STON2: variants seen among roughly 807,000 people sequenced by gnomAD.
STON2 encodes the protein stonin 2, also known as stonin-2.
In STON2, 29 loss-of-function variants were observed where a neutral mutation model predicts 65.7. The ratio of observed to expected loss-of-function variants is 0.44; its 90% confidence interval spans 0.33 to 0.60. The LOEUF is 0.60. STON2 is among the 20% of genes least tolerant of loss of function. The pLI is 0.03. For missense variants in STON2, 1,054 were observed against 1,118.1 expected (o/e 0.94, Z 0.82); for synonymous variants, 404 against 414.2 (o/e 0.98, Z 0.30).
chr14:81,282,760 C>T (rs1895176757), intron 5 of STON2, among the ~76,000 whole-genome samples: 1 of 152,038 alleles, frequency 6.6e-6, no homozygotes, highest in Non-Finnish European at 1.5e-5. Context: ...TACTAATTAG[C>T]CTTAGAGAAA....
intron 3 of STON2, among the ~76,000 whole-genome samples, chr14:81,376,199 AATT>A (rs1899243874): frequency 6.6e-6 from 1 of 151,714 alleles, no homozygotes; most frequent in South Asian, 2.1e-4. Flanking sequence ...TAAAATCATA[AATT>A]ATTTAAAAAA....
At chr14:81,321,890 T>C (rs1029095377) in intron 5 of STON2, among the ~76,000 whole-genome samples, 7 of 152,126 alleles carry the variant, frequency 4.6e-5, no homozygotes, top group Non-Finnish European at 8.8e-5. Flanking sequence ...AACTGGACCA[T>C]ACAGGCGATC....
chr14:81,274,919 A>G (rs920525285), intron 6 of STON2, among the ~76,000 whole-genome samples: 3 of 151,956 alleles, frequency 2.0e-5, no homozygotes, highest in Non-Finnish European at 4.4e-5. Flanking sequence ...AAACAAACAA[A>G]CAAACAAACA....
intron 5 of STON2, among the ~76,000 whole-genome samples, chr14:81,291,006 A>C (rs1470432860): frequency 6.6e-6 from 1 of 152,192 alleles, no homozygotes; most frequent in African/African-American, 2.4e-5. Flanking sequence ...TATATGTCTC[A>C]TTTCAAAATT....
intron 3 of STON2, among the ~76,000 whole-genome samples, chr14:81,381,623 C>T (rs905281749): frequency 2.0e-5 from 3 of 152,138 alleles, no homozygotes; most frequent in Non-Finnish European, 4.4e-5. Context: ...TACCCTTCCC[C>T]CTTTCTTTCT....
intron 4 of STON2, among the ~76,000 whole-genome samples, chr14:81,342,827 C>T (rs1897666997): frequency 6.6e-6 from 1 of 152,162 alleles, no homozygotes; most frequent in Admixed American, 6.5e-5. Flanking sequence ...AAGCCAGGGT[C>T]TGAGGGGCAA....
chr14:81,277,406 G>A lies in STON2; in HGVS notation c.2076C>T (p.Thr692=). The part of the protein sequence containing the change: ...IVLRQDIMPT[T]TTKWIKLHEC... ...CATGGAGCTTGATCCACTTTGTGGT[G>A]GTGGTGGGCATGATGTCCTGCCTCA... Residue 692 remains threonine, a synonymous_variant, in exon 6 of 8, where the codon ACC becomes ACT. Coordinates refer to ENST00000614646, the MANE Select transcript of STON2 (RefSeq NM_001394390.1). 1 of 1,614,184 alleles carries A rather than the reference G, an allele frequency of 6.2e-7. No homozygotes were observed. The highest frequency in any genetic ancestry group is 1.1e-5 in the South Asian group (1 of 91,078).
chr14:81,328,373 G>C (rs1034514208), intron 4 of STON2, among the ~76,000 whole-genome samples: 1 of 152,154 alleles, frequency 6.6e-6, no homozygotes, highest in Non-Finnish European at 1.5e-5. Flanking sequence ...TTTGCTCCCA[G>C]GTTCAATTAT....
chr14:81,434,941 G>GT (rs1566958835), intron 1 of STON2, among the ~76,000 whole-genome samples: 1 of 152,020 alleles, frequency 6.6e-6, no homozygotes, highest in East Asian at 1.9e-4. Context: ...TTGCTGTGTG[G>GT]TTGAGTTTTT....
intron 5 of STON2, among the ~76,000 whole-genome samples, chr14:81,279,773 G>T (rs551542476): frequency 6.6e-6 from 1 of 152,096 alleles, no homozygotes; most frequent in Non-Finnish European, 1.5e-5. Flanking sequence ...GCCATAATAG[G>T]AGCACTAAGT....
chr14:81,293,519 G>T (rs115605087), intron 5 of STON2, among the ~76,000 whole-genome samples: 4 of 152,248 alleles, frequency 2.6e-5, no homozygotes, highest in African/African-American at 9.6e-5. Flanking sequence ...ATCTGTGGGA[G>T]ATAACAAAAA....
intron 6 of STON2, among the ~76,000 whole-genome samples, chr14:81,276,071 T>C (rs1180126134): frequency 6.6e-6 from 1 of 152,238 alleles, no homozygotes; most frequent in Non-Finnish European, 1.5e-5. Flanking sequence ...GCTTGCTGCC[T>C]ACCATTGGGG....
Position 81,412,723 on chromosome 14 carries a change from G to C in STON2, c.-198-14143C>G, listed in dbSNP as rs180702532. Among the ~76,000 whole-genome samples, 7 of 139,464 alleles carry C rather than the reference G, an allele frequency of 5.0e-5. 1 individual carries two copies. The highest frequency in any genetic ancestry group is 2.1e-4 in the African/African-American group (7 of 33,930). 91.5% of individuals were successfully genotyped at this position (139,464 alleles called of 152,430 possible). A position where few individuals can be genotyped will look rare whatever the true frequency, so the allele number is the denominator to read the frequency against. On this transcript the variant is annotated intron_variant, in intron 2 of 8. Transcript: ENST00000553821. ...CTCTACTCTTAAAAATGGTTAAGGT[G>C]GTCCATTTTATAGTTGTAATTTAAC... is the stretch of plus-strand genomic sequence containing the variant.
intron 4 of STON2, among the ~76,000 whole-genome samples, chr14:81,336,758 C>T (rs1395892363): frequency 6.6e-6 from 1 of 152,026 alleles, no homozygotes; most frequent in Admixed American, 6.6e-5. Context: ...AGGACTATCT[C>T]CTCACCATCA....
Position 81,275,439 on chromosome 14 carries a change from A to G in STON2, c.2581+1462T>C, listed in dbSNP as rs575042432. Among the ~76,000 whole-genome samples the G allele has an allele frequency of 1.6e-4, 25 of 152,172 alleles. No individual in the cohort carries two copies. In the East Asian group the frequency reaches 4.8e-3, roughly 29 times the overall value. On this transcript the variant is annotated intron_variant, in intron 6 of 7. Transcript: ENST00000614646. ...TATTCAAGGTCCCTTCCAGCTTGAA[A>G]ATCCGGTAATTCCATGGTTGTCTCT... is the stretch of plus-strand genomic sequence containing the variant.
At chr14:81,297,810 G>A (rs1209164873) in intron 5 of STON2, among the ~76,000 whole-genome samples, 6 of 152,160 alleles carry the variant, frequency 3.9e-5, no homozygotes, top group Admixed American at 3.9e-4. Flanking sequence ...AGGCCGAGAC[G>A]GGCAGATCAC....
chr14:81,413,300 C>A, intron 2 of STON2: 1 of 1,339,126 alleles, frequency 7.5e-7, no homozygotes, highest in Non-Finnish European at 9.9e-7. Flanking sequence ...AGCCTAAATT[C>A]CAAATACCAG....
At chr14:81,306,283 G>T (rs1338921124) in intron 5 of STON2, among the ~76,000 whole-genome samples, 17 of 137,220 alleles carry the variant, frequency 1.2e-4, no homozygotes, top group African/African-American at 4.7e-4. Flanking sequence ...AGGCTGGAGT[G>T]CGGTGGTGTG....
At chr14:81,313,311 T>G (rs1200493517) in intron 5 of STON2, among the ~76,000 whole-genome samples, 2 of 152,090 alleles carry the variant, frequency 1.3e-5, no homozygotes, top group South Asian at 2.1e-4. Flanking sequence ...AATCTTAAGA[T>G]CCTTGAGGAC....
Sources: allele counts gnomAD v4.1 joint callset (sites outside exome capture counted in the v4.1 genomes callset), GRCh38; gene constraint gnomAD v4.1.1; transcripts MANE v1.5; gene names NCBI Gene and HGNC (gene_info 2026-07-23, HGNC 2026-07-21).